Variants in PTPRT observed in about 807,000 individuals in gnomAD.
The protein encoded by PTPRT is receptor-type tyrosine-protein phosphatase T.
Under a neutral mutation model 176.8 loss-of-function variants are expected in PTPRT, and 56 were observed. The observed-to-expected ratio is 0.32, with a 90% CI of 0.26 to 0.40. The LOEUF is 0.40. Ranked by LOEUF, PTPRT falls within the 10% of genes least tolerant of loss-of-function variation. The pLI is 1.00. For synonymous variants in PTPRT, 783 were observed against 739.0 expected (o/e 1.06, Z -0.96); for missense variants, 1,540 against 1,908.2 (o/e 0.81, Z 3.60).
At chr20:42,160,667 G>A (rs1989555057) in intron 17 of PTPRT, among the ~76,000 whole-genome samples, 1 of 152,220 alleles carries the variant, frequency 6.6e-6, no homozygotes, top group South Asian at 2.1e-4. Flanking sequence ...GAACAACGTT[G>A]TATTGAGCTG....
intron 1 of PTPRT, among the ~76,000 whole-genome samples, chr20:42,896,805 T>C (rs192541994): frequency 3.3e-5 from 5 of 152,182 alleles, no homozygotes; most frequent in Admixed American, 1.3e-4. Context: ...CCCCAAATCA[T>C]GGAGATTCCA....
chr20:42,707,980 T>G (rs1024022425), intron 6 of PTPRT, among the ~76,000 whole-genome samples: 7 of 152,170 alleles, frequency 4.6e-5, no homozygotes, highest in South Asian at 2.1e-4. Flanking sequence ...TGGTAATTTC[T>G]TATGCAAAAA....
At chr20:42,524,629 G>A (rs1174346018) in intron 7 of PTPRT, among the ~76,000 whole-genome samples, 2 of 152,068 alleles carry the variant, frequency 1.3e-5, no homozygotes, top group East Asian at 3.9e-4. Context: ...ATCCCGCTTA[G>A]GATAAACTGG....
At chr20:42,408,682 C>A (rs1359719764) in intron 9 of PTPRT, among the ~76,000 whole-genome samples, 2 of 151,632 alleles carry the variant, frequency 1.3e-5, no homozygotes, top group Admixed American at 6.6e-5. Context: ...TGATAACAGA[C>A]CAATCCATCT....
At chr20:42,318,553 A>T (rs965904758) in intron 11 of PTPRT, among the ~76,000 whole-genome samples, 4 of 152,208 alleles carry the variant, frequency 2.6e-5, no homozygotes, top group African/African-American at 9.6e-5. Context: ...GCTGAAGCTA[A>T]CAACAGACCT....
At chr20:43,144,780 T>C (rs1355995751) in intron 1 of PTPRT, among the ~76,000 whole-genome samples, 5 of 151,934 alleles carry the variant, frequency 3.3e-5, no homozygotes, top group African/African-American at 2.4e-5. Flanking sequence ...CTAAAAACCG[T>C]TGAATTAAAA....
intron 7 of PTPRT, among the ~76,000 whole-genome samples, chr20:42,496,625 C>T (rs2071658731): frequency 6.7e-6 from 1 of 150,040 alleles, no homozygotes; most frequent in Non-Finnish European, 1.5e-5. Context: ...TCTTGAAATC[C>T]TTCACTTTCA....
intron 16 of PTPRT, among the ~76,000 whole-genome samples, chr20:42,170,153 C>G (rs1363810870): frequency 6.6e-6 from 1 of 152,112 alleles, no homozygotes; most frequent in African/African-American, 2.4e-5. Context: ...TGAGGTTGCC[C>G]TCATGCCAAG....
At chr20:42,858,503 G>A (rs527932159) in intron 2 of PTPRT, among the ~76,000 whole-genome samples, 2 of 152,244 alleles carry the variant, frequency 1.3e-5, no homozygotes, top group African/African-American at 2.4e-5. Flanking sequence ...TGAGGACTTT[G>A]GGGAGATGAA....
At chr20:43,149,495 T>A (rs1231091703) in intron 1 of PTPRT, among the ~76,000 whole-genome samples, 1 of 152,146 alleles carries the variant, frequency 6.6e-6, no homozygotes, top group African/African-American at 2.4e-5. Context: ...AACACCTCAA[T>A]GAATGGGTGA....
At chr20:42,889,062 G>T (rs1028014456) in intron 1 of PTPRT, among the ~76,000 whole-genome samples, 1 of 152,060 alleles carries the variant, frequency 6.6e-6, no homozygotes, top group African/African-American at 2.4e-5. Context: ...CCCCTAGTCC[G>T]TTGGATCCAT....
rs146137854 is a variant in PTPRT at position 42,699,247 on chromosome 20, T to C, written c.860-21088A>G. On this transcript the variant is annotated intron_variant, in intron 6 of 30. Coordinates refer to ENST00000373187, the MANE Select transcript of PTPRT (RefSeq NM_007050.6). Reference sequence around the variant, plus strand: ...ACACTGATCACATCTGAAATATACATGGTCACATACACCAAATCACATCTC... The same window carrying C: ...ACACTGATCACATCTGAAATATACACGGTCACATACACCAAATCACATCTC... Among the ~76,000 whole-genome samples the C allele has an allele frequency of 4.1e-3, 627 of 152,286 alleles. 6 individuals carry two copies. The highest frequency in any genetic ancestry group is 0.02 in the Middle Eastern group (6 of 294).
intron 7 of PTPRT, among the ~76,000 whole-genome samples, chr20:42,624,446 A>G (rs2074256648): frequency 6.6e-6 from 1 of 152,246 alleles, no homozygotes; most frequent in Non-Finnish European, 1.5e-5. Flanking sequence ...CATTGAAAGT[A>G]GCCCAATGCA....
downstream of PTPRT, among the ~76,000 whole-genome samples, chr20:42,069,991 A>G (rs1982254548): frequency 6.6e-6 from 1 of 152,136 alleles, no homozygotes; most frequent in Non-Finnish European, 1.5e-5. Context: ...TTTCAAGAGA[A>G]AGCCACTCAG....
chr20:43,007,913 C>A (rs1984932964), intron 1 of PTPRT, among the ~76,000 whole-genome samples: 1 of 152,130 alleles, frequency 6.6e-6, no homozygotes, highest in Admixed American at 6.5e-5. Context: ...ATGGGTGAAG[C>A]AATAGAACCC....
In PTPRT at chr20:42,315,757, C is replaced by T. The variant is rs1328191574; in HGVS notation, c.2105G>A (p.Ser702Asn). 4.3e-6 allele frequency: 7 copies of T among 1,614,060 alleles called. No homozygotes were observed. In the South Asian group the frequency reaches 5.5e-5, roughly 13 times the overall value. Residue 702 changes from serine to asparagine, a missense_variant, in exon 12 of 31, where the codon AGC becomes AAC. By Grantham distance (46) the Ser-to-Asn change is conservative. This residue lies in a region of PTPRT where 255 missense variants were observed against 250.1 expected (regional missense o/e 1.02). Transcript: ENST00000373187. ...NPPLSPLKSY[S>N]IYFQALSKAN... is the part of the protein sequence containing the mutation. The stretch of plus-strand genomic sequence containing the variant: ...TTTGCTGAGTGCCTGGAAGTAGATG[C>T]TGTAGCTTTTCAGGGGAGAGAGAGG...
At chr20:43,103,614 C>T (rs1451881768) in intron 1 of PTPRT, among the ~76,000 whole-genome samples, 1 of 152,060 alleles carries the variant, frequency 6.6e-6, no homozygotes, top group Non-Finnish European at 1.5e-5. Context: ...GGCAATATCA[C>T]CCCCAAGGGG....
At position 42,326,611 on chromosome 20, in the gene PTPRT, G is replaced by A. The variant is rs563840747; in HGVS notation, c.1866-10615C>T. ...GCTAAGGAAAACACAAATAAGAAAC[G>A]TATAGGACTGACATTGGAAGGAAAA... On this transcript the variant is annotated intron_variant, in intron 11 of 30. Transcript: ENST00000373187. Among the ~76,000 whole-genome samples, 10 of 152,154 alleles carry A rather than the reference G, an allele frequency of 6.6e-5. No individual in the cohort carries two copies. The South Asian group carries it at 2.1e-3, about 32-fold the overall frequency.
chr20:42,657,338 T>C (rs6072814), intron 7 of PTPRT, among the ~76,000 whole-genome samples: 9,391 of 152,240 alleles, frequency 0.062, 502 homozygotes, highest in East Asian at 0.29. Context: ...GGAGCACCTC[T>C]TACTCAATCC....
Sources: allele counts gnomAD v4.1 joint callset (sites outside exome capture counted in the v4.1 genomes callset), GRCh38; gene constraint gnomAD v4.1.1; regional missense constraint gnomAD v4.1.1; transcripts MANE v1.5; gene names NCBI Gene and HGNC (gene_info 2026-07-23, HGNC 2026-07-21).